RELL1: variants seen among roughly 807,000 people sequenced by gnomAD.
RELL1 encodes RELT like 1.
A neutral mutation model predicts 23.0 loss-of-function variants in RELL1; 10 were observed. That is an observed-to-expected ratio of 0.43 (90% CI 0.27 to 0.74). The LOEUF (loss-of-function observed/expected upper bound fraction) is 0.74, where lower values mean the gene tolerates loss of function less well. Ranked by LOEUF, RELL1 falls within the 30% of genes least tolerant of loss-of-function variation. The pLI is 0.19. For missense variants in RELL1, 315 were observed against 364.4 expected (o/e 0.86, Z 1.10); for synonymous variants, 146 against 146.8 (o/e 0.99, Z 0.04).
downstream of RELL1, among the ~76,000 whole-genome samples, chr4:37,610,034 C>T (rs1719327176): frequency 1.3e-5 from 2 of 152,168 alleles, no homozygotes; most frequent in African/African-American, 4.8e-5. The surrounding 1 kb of genome is among the most constrained non-coding windows in gnomAD (Gnocchi z 4.1). Context: ...TGCTATCAAA[C>T]AGTACTGCAT....
intron 1 of RELL1, among the ~76,000 whole-genome samples, chr4:37,682,663 T>C (rs554400205): frequency 6.6e-6 from 1 of 152,356 alleles, no homozygotes; most frequent in East Asian, 1.9e-4. Flanking sequence ...AGATATGGAC[T>C]CCCAAGCTCC....
At chr4:37,660,619 C>T (rs1056335276) in intron 1 of RELL1, among the ~76,000 whole-genome samples, 8 of 152,136 alleles carry the variant, frequency 5.3e-5, no homozygotes, top group African/African-American at 1.4e-4. Context: ...GCACAAAGCT[C>T]GGGGGAAGTC....
intron 5 of RELL1, among the ~76,000 whole-genome samples, chr4:37,631,765 A>T (rs755329032): frequency 3.3e-5 from 5 of 152,124 alleles, no homozygotes; most frequent in Non-Finnish European, 5.9e-5. Context: ...TTTACAGAGC[A>T]TGCAAAAGGC....
At chr4:37,604,934 G>GAC (rs200537025) in intron 6 of RELL1, among the ~76,000 whole-genome samples, 97,506 of 115,276 alleles carry the variant, frequency 0.85, 40,503 homozygotes, top group Admixed American at 0.87. Flanking sequence ...CACACACACA[G>GAC]ACACACACAT....
At position 37,614,768 on chromosome 4, in the gene RELL1, T is replaced by G. The variant is rs555742041; in HGVS notation, c.*4-1426A>C. Among the ~76,000 whole-genome samples the G allele has an allele frequency of 2.6e-5, 4 of 152,276 alleles. No individual in the cohort carries two copies. The South Asian group carries it at 8.3e-4, about 32-fold the overall frequency. ...AAACAGGTATGGTATTCCACTGTTT[T>G]TATGTCTCCTCTTTATGTGCTCCCT... On this transcript the variant is annotated intron_variant, in intron 6 of 6. Coordinates refer to ENST00000454158, the MANE Select transcript of RELL1 (RefSeq NM_001085400.2).
In RELL1 at chr4:37,683,808, G is replaced by A. The variant is rs988951520; in HGVS notation, c.88+2392C>T. Among the ~76,000 whole-genome samples the A allele has an allele frequency of 4.6e-5, 7 of 151,586 alleles. No homozygotes were observed. The South Asian group carries it at 6.3e-4, about 14-fold the overall frequency. On this transcript the variant is annotated intron_variant, in intron 1 of 6. Coordinates refer to ENST00000454158, the MANE Select transcript of RELL1 (RefSeq NM_001085400.2). ...TAAACAAATAAAAATGCGGCCGGGC[G>A]CGGTGGCTCACGCCTGTAATCCCAG... is the stretch of plus-strand genomic sequence containing the variant.
chr4:37,644,119 C>A lies in RELL1; in HGVS notation c.385+3249G>T, dbSNP rs191211494. Among the ~76,000 whole-genome samples the A allele has an allele frequency of 4.9e-4, 74 of 152,168 alleles. 1 individual carries two copies. Among genetic ancestry groups the A allele is most frequent in the African/African-American group, 1.8e-3 (73 of 41,496 alleles). ...GGTATTGACTGCTCAGTGGTACCTA[C>A]TGGTGCTAAGCACAGTAAAAACACA... is the stretch of plus-strand genomic sequence containing the variant. On this transcript the variant is annotated intron_variant, in intron 3 of 6. Coordinates refer to ENST00000454158, the MANE Select transcript of RELL1 (RefSeq NM_001085400.2).
At chr4:37,630,941 TA>T (rs112642457) in intron 6 of RELL1, among the ~76,000 whole-genome samples, 4,057 of 145,840 alleles carry the variant, frequency 0.028, 199 homozygotes, top group East Asian at 0.12. Flanking sequence ...CATGGTTGTT[TA>T]AAAAAAAAAA....
At chr4:37,671,894 A>T (rs1398955387) in intron 1 of RELL1, among the ~76,000 whole-genome samples, 1 of 151,974 alleles carries the variant, frequency 6.6e-6, no homozygotes, top group East Asian at 1.9e-4. Context: ...GACTCACAGA[A>T]TTCAGAAAAT....
At chr4:37,657,789 G>A (rs1182988516) in intron 1 of RELL1, among the ~76,000 whole-genome samples, 1 of 152,140 alleles carries the variant, frequency 6.6e-6, no homozygotes, top group Non-Finnish European at 1.5e-5. Flanking sequence ...GTGCACACCT[G>A]TAGTCCCAGC....
rs1350448992 is a variant in RELL1 at position 37,611,112 on chromosome 4, A to G, written c.*2234T>C. On this transcript the variant is annotated 3_prime_UTR_variant, in exon 7 of 7. Transcript: ENST00000454158. The stretch of plus-strand genomic sequence containing the variant: ...CCTGTTGTATTGCTATTTAAAAAAA[A>G]GTGCTCTGACTTGAATAAGATGGAA... Among the ~76,000 whole-genome samples the G allele has an allele frequency of 6.6e-6, 1 of 152,158 alleles. No homozygotes were observed. Among genetic ancestry groups the G allele is most frequent in the African/African-American group, 2.4e-5 (1 of 41,412 alleles).
chr4:37,662,019 A>C (rs1721373993), intron 1 of RELL1, among the ~76,000 whole-genome samples: 1 of 151,808 alleles, frequency 6.6e-6, no homozygotes, highest in African/African-American at 2.4e-5. Context: ...ACCCCACCCA[A>C]CGCCAGCTGC....
chr4:37,600,775 T>TTGTGTGTGTG (rs1164247377), intron 6 of RELL1, among the ~76,000 whole-genome samples: 12 of 54,718 alleles, frequency 2.2e-4, no homozygotes, highest in East Asian at 1.0e-3. Context: ...TAGTATGGAT[T>TTGTGTGTGTG]TGTGCGTGTG....
At chr4:37,624,204 T>C (rs1298096106) in intron 6 of RELL1, among the ~76,000 whole-genome samples, 1 of 152,106 alleles carries the variant, frequency 6.6e-6, no homozygotes, top group Admixed American at 6.5e-5. Flanking sequence ...GTTTGAGCCA[T>C]GAAAGAGTCT....
downstream of RELL1, among the ~76,000 whole-genome samples, chr4:37,607,823 C>T (rs1392332770): frequency 3.9e-5 from 6 of 152,028 alleles, no homozygotes; most frequent in East Asian, 3.9e-4. Context: ...CTCCTGACCT[C>T]GTGATCCGCC....
intron 6 of RELL1, among the ~76,000 whole-genome samples, chr4:37,626,424 G>A (rs1321197353): frequency 6.6e-6 from 1 of 152,194 alleles, no homozygotes; most frequent in African/African-American, 2.4e-5. Flanking sequence ...GCTGCAGTGA[G>A]CCGAGATTGT....
intron 6 of RELL1, among the ~76,000 whole-genome samples, chr4:37,625,576 T>C (rs1719907242): frequency 1.3e-5 from 2 of 152,142 alleles, no homozygotes; most frequent in African/African-American, 4.8e-5. Context: ...GGGGAGATGA[T>C]GGTCAAAGGA....
intron 6 of RELL1, among the ~76,000 whole-genome samples, chr4:37,629,593 G>C (rs895649642): frequency 6.6e-6 from 1 of 152,138 alleles, no homozygotes; most frequent in Non-Finnish European, 1.5e-5. Context: ...AGACTTTTCT[G>C]TACTGTTTCT....
At chr4:37,588,912 A>G (rs1239606106), downstream of RELL1, 1 of 1,606,718 alleles carries the variant, frequency 6.2e-7, no homozygotes, top group South Asian at 1.1e-5. Flanking sequence ...AAAGCTGGAG[A>G]AATACTACTT....
Sources: allele counts gnomAD v4.1 joint callset (sites outside exome capture counted in the v4.1 genomes callset), GRCh38; gene constraint gnomAD v4.1.1; non-coding constraint Gnocchi (gnomAD v3.1); transcripts MANE v1.5; gene names NCBI Gene and HGNC (gene_info 2026-07-23, HGNC 2026-07-21).